The following SLC36A1 variants were observed in gnomAD, a reference collection of about 807,000 sequenced individuals.
SLC36A1 encodes solute carrier family 36 member 1.
SLC36A1 carries 30 observed loss-of-function variants against 47.5 expected under a neutral mutation model. The ratio of observed to expected loss-of-function variants is 0.63; its 90% CI spans 0.47 to 0.86. The LOEUF (loss-of-function observed/expected upper bound fraction) is 0.86, where lower values mean the gene tolerates loss of function less well. Ranked by LOEUF, SLC36A1 falls within the 40% of genes least tolerant of loss-of-function variation. The pLI is 0.00. For missense variants in SLC36A1, 517 were observed against 606.0 expected, an observed-to-expected ratio of 0.85 and a Z score of 1.54; for synonymous variants, 255 against 249.7, an observed-to-expected ratio of 1.02 and a Z score of -0.20.
chr5:151,554,839 T>A, the SLC36A1 span, among the ~76,000 whole-genome samples: 1,429 of 152,348 alleles, frequency 9.4e-3, 19 homozygotes, highest in African/African-American at 0.033. Flanking sequence ...ACTTTGCCCC[T>A]GGGAAAGCCA....
At chr5:151,348,938 C>T in the SLC36A1 span, among the ~76,000 whole-genome samples, 132 of 152,326 alleles carry the variant, frequency 8.7e-4, no homozygotes, top group African/African-American at 3.1e-3. Context: ...CCCCACCCTG[C>T]CAGCTTCTTG....
chr5:151,405,972 T>G, the SLC36A1 span, among the ~76,000 whole-genome samples: 1 of 152,210 alleles, frequency 6.6e-6, no homozygotes, highest in Non-Finnish European at 1.5e-5. Context: ...GGCTTACAGA[T>G]AGGCTGTTAC....
At chr5:151,393,920 A>C in the SLC36A1 span, among the ~76,000 whole-genome samples, 2 of 151,952 alleles carry the variant, frequency 1.3e-5, no homozygotes, top group African/African-American at 4.8e-5. Context: ...TGTGGCATTC[A>C]CTGTATTTCC....
chr5:151,493,421 A>G (rs781729108), downstream of SLC36A1, among the ~76,000 whole-genome samples: 16 of 152,220 alleles, frequency 1.1e-4, no homozygotes, highest in Non-Finnish European at 1.9e-4. Flanking sequence ...AATTGCAAGT[A>G]CCAGGTTGTT....
the SLC36A1 span, among the ~76,000 whole-genome samples, chr5:151,538,118 G>C: frequency 6.6e-6 from 1 of 152,080 alleles, no homozygotes; most frequent in Non-Finnish European, 1.5e-5. Context: ...GAGAAGCAGA[G>C]AGAGGGAGGG....
At chr5:151,444,134 G>C (rs1752786603), upstream of SLC36A1, among the ~76,000 whole-genome samples, 1 of 152,112 alleles carries the variant, frequency 6.6e-6, no homozygotes, top group Non-Finnish European at 1.5e-5. Flanking sequence ...TTTCAGAATT[G>C]TCTTGACTAT....
At chr5:151,416,526 T>G in the SLC36A1 span, among the ~76,000 whole-genome samples, 1 of 152,202 alleles carries the variant, frequency 6.6e-6, no homozygotes, top group African/African-American at 2.4e-5. Flanking sequence ...CAATGATTTA[T>G]TTTGCACTAT....
intron 7 of SLC36A1, among the ~76,000 whole-genome samples, chr5:151,473,123 C>T (rs1448706692): frequency 6.6e-6 from 1 of 151,844 alleles, no homozygotes. Flanking sequence ...TGCAGTGAGC[C>T]GAGATCTCGC....
At chr5:151,393,279 T>C in the SLC36A1 span, among the ~76,000 whole-genome samples, 2 of 152,186 alleles carry the variant, frequency 1.3e-5, no homozygotes, top group South Asian at 2.1e-4. Flanking sequence ...ATCCCTTTAT[T>C]TTGAGCCTAT....
chr5:151,521,941 C>G, the SLC36A1 span: 1 of 1,614,050 alleles, frequency 6.2e-7, no homozygotes, highest in African/African-American at 1.3e-5. Context: ...ATGGATCTTA[C>G]CCACCATGCC....
At chr5:151,423,397 G>A in the SLC36A1 span, among the ~76,000 whole-genome samples, 316 of 152,254 alleles carry the variant, frequency 2.1e-3, 4 homozygotes, top group African/African-American at 7.4e-3. Flanking sequence ...AATGTCCTTC[G>A]GTAAGTGAAT....
upstream of SLC36A1, among the ~76,000 whole-genome samples, chr5:151,445,303 A>G (rs527986749): frequency 6.6e-6 from 1 of 152,304 alleles, no homozygotes; most frequent in Non-Finnish European, 1.5e-5. Context: ...GTGTATGTTA[A>G]ACCAGCCTTG....
the SLC36A1 span, among the ~76,000 whole-genome samples, chr5:151,503,722 C>T: frequency 6.6e-6 from 1 of 152,134 alleles, no homozygotes; most frequent in Non-Finnish European, 1.5e-5. Context: ...GTAACTAATG[C>T]CATGCAGTGC....
intron 7 of SLC36A1, among the ~76,000 whole-genome samples, chr5:151,468,301 T>TAAA (rs1440214030): frequency 0.098 from 8,835 of 90,276 alleles, 828 homozygotes; most frequent in East Asian, 0.21. Context: ...ATATTTTATA[T>TAAA]ATATATATTT....
At chr5:151,529,449 G>T in the SLC36A1 span, 1 of 1,500,468 alleles carries the variant, frequency 6.7e-7, no homozygotes, top group South Asian at 1.1e-5. Flanking sequence ...AAAGGCGCAG[G>T]ACTGAGGGTC....
the SLC36A1 span, among the ~76,000 whole-genome samples, chr5:151,374,691 TACA>T: frequency 6.6e-6 from 1 of 152,196 alleles, no homozygotes; most frequent in Non-Finnish European, 1.5e-5. Flanking sequence ...CTAATGCAAA[TACA>T]ACAATGTATT....
chr5:151,466,882 A>G (rs547635370), intron 5 of SLC36A1, among the ~76,000 whole-genome samples: 32 of 152,232 alleles, frequency 2.1e-4, no homozygotes, highest in Admixed American at 1.4e-3. Flanking sequence ...CCTTCTTCCC[A>G]ATGCCCCAGA....
intron 3 of SLC36A1, among the ~76,000 whole-genome samples, chr5:151,463,926 G>A (rs357613): frequency 0.14 from 21,512 of 152,074 alleles, 1,812 homozygotes; most frequent in East Asian, 0.4. Flanking sequence ...GAGATGGCTC[G>A]AGCAGTTTCT....
the SLC36A1 span, among the ~76,000 whole-genome samples, chr5:151,502,943 A>G: frequency 6.7e-6 from 1 of 148,276 alleles, no homozygotes; most frequent in Non-Finnish European, 1.5e-5. Flanking sequence ...AAAGATATGG[A>G]GGAATCTTAA....
Sources: allele counts gnomAD v4.1 joint callset (sites outside exome capture counted in the v4.1 genomes callset), GRCh38; gene constraint gnomAD v4.1.1; transcripts MANE v1.5; gene names NCBI Gene and HGNC (gene_info 2026-07-23, HGNC 2026-07-21).